The following ZFHX3 variants were observed in gnomAD, a reference collection of about 807,000 sequenced individuals.
The protein encoded by ZFHX3 is zinc finger homeobox protein 3.
In ZFHX3, 42 loss-of-function variants were observed where a neutral mutation model predicts 279.1. The ratio of observed to expected loss-of-function variants is 0.15; its 90% CI spans 0.12 to 0.19. The LOEUF is 0.19. Ranked by LOEUF, ZFHX3 falls within the 10% of genes least tolerant of loss-of-function variation. The probability of loss-of-function intolerance (pLI) is 1.00; values close to 1 mark genes in which losing one functional copy is unlikely to be tolerated. For missense variants in ZFHX3, 4,981 were observed against 4,754.0 expected (o/e 1.05, Z -1.40); for synonymous variants, 2,293 against 1,957.8 (o/e 1.17, Z -4.52).
chr16:73,405,839 C>T (rs547201104), intron 3 of ZFHX3, among the ~76,000 whole-genome samples: 4 of 152,166 alleles, frequency 2.6e-5, no homozygotes, highest in African/African-American at 7.2e-5. Context: ...CTGTCAGAGC[C>T]GGAGTAAGAT....
intron 5 of ZFHX3, among the ~76,000 whole-genome samples, chr16:73,200,892 G>A (rs1022044782): frequency 6.6e-6 from 1 of 152,126 alleles, no homozygotes; most frequent in Non-Finnish European, 1.5e-5. Flanking sequence ...TCCTTCACCT[G>A]ATGTAAACCA....
intron 2 of ZFHX3, among the ~76,000 whole-genome samples, chr16:73,576,354 G>A (rs1037451822): frequency 7.9e-5 from 12 of 152,200 alleles, no homozygotes; most frequent in Admixed American, 1.3e-4. Flanking sequence ...CTCGAGGGCT[G>A]TGCAATGGTA....
intron 4 of ZFHX3, among the ~76,000 whole-genome samples, chr16:73,316,639 A>G (rs8050929): frequency 0.8 from 121,884 of 152,090 alleles, 49,202 homozygotes; most frequent in African/African-American, 0.88. Flanking sequence ...ACTTGTTGGG[A>G]ATCCCCCACT....
chr16:73,332,523 A>T (rs1265821804), intron 3 of ZFHX3, among the ~76,000 whole-genome samples: 5 of 152,140 alleles, frequency 3.3e-5, no homozygotes, highest in Admixed American at 6.5e-5. Context: ...CCCAGAGGAA[A>T]ACTTACTTTC....
At chr16:73,267,340 G>A (rs914411915) in intron 4 of ZFHX3, among the ~76,000 whole-genome samples, 5 of 152,110 alleles carry the variant, frequency 3.3e-5, no homozygotes, top group African/African-American at 1.2e-4. Flanking sequence ...GGAAACACAA[G>A]GCTTCAAAAT....
At position 73,547,081 on chromosome 16, in the gene ZFHX3, A is replaced by G. The variant is rs1332525338; in HGVS notation, c.-1546-90823T>C. On this transcript the variant is annotated intron_variant, in intron 2 of 17. Coordinates refer to the ZFHX3 transcript ENST00000641206. ...TCTTACATTGAAATGATAGAAAAAC[A>G]AAAAGAAAAGAAAAAGAAATCTCTC... 2.0e-5 allele frequency among the ~76,000 whole-genome samples: 3 copies of G among 152,148 alleles called. No homozygotes were observed. In the East Asian group the frequency reaches 5.8e-4, roughly 29 times the overall value.
At chr16:73,654,331 A>G (rs111321057) in intron 2 of ZFHX3, among the ~76,000 whole-genome samples, 14 of 152,280 alleles carry the variant, frequency 9.2e-5, no homozygotes, top group African/African-American at 3.4e-4. Flanking sequence ...ATACTCAAAA[A>G]TTTTCCGACA....
At chr16:72,858,571 G>A (rs1216174499) in intron 4 of ZFHX3, among the ~76,000 whole-genome samples, 1 of 152,202 alleles carries the variant, frequency 6.6e-6, no homozygotes, top group Non-Finnish European at 1.5e-5. Flanking sequence ...CAGCAGGGTA[G>A]CCAAGTTATG....
At chr16:73,430,352 C>A (rs1368347258) in intron 3 of ZFHX3, among the ~76,000 whole-genome samples, 2 of 152,114 alleles carry the variant, frequency 1.3e-5, no homozygotes, top group East Asian at 3.9e-4. Context: ...AAAAATGATG[C>A]AATATCTAAA....
chr16:72,905,319 T>G (rs2039141715), intron 3 of ZFHX3, among the ~76,000 whole-genome samples: 1 of 152,164 alleles, frequency 6.6e-6, no homozygotes. Flanking sequence ...GTGACTTGAA[T>G]TTTTTTAGTA....
At chr16:72,802,347 G>A (rs1361050700) in intron 7 of ZFHX3, among the ~76,000 whole-genome samples, 2 of 151,966 alleles carry the variant, frequency 1.3e-5, no homozygotes, top group Non-Finnish European at 2.9e-5. Context: ...ATTCCTGATT[G>A]GGATTCAAGA....
At chr16:72,906,892 C>T (rs1040378302) in intron 3 of ZFHX3, among the ~76,000 whole-genome samples, 7 of 152,030 alleles carry the variant, frequency 4.6e-5, no homozygotes, top group Admixed American at 1.3e-4. Context: ...TGGGTGGAAG[C>T]GAGGACTAGA....
intron 1 of ZFHX3, among the ~76,000 whole-genome samples, chr16:73,690,291 C>T (rs1254652563): frequency 2.6e-5 from 4 of 152,192 alleles, no homozygotes; most frequent in Non-Finnish European, 5.9e-5. Context: ...CGTATCTTAG[C>T]ATCCATGTAC....
At chr16:72,938,669 C>A (rs1463998252) in intron 3 of ZFHX3, among the ~76,000 whole-genome samples, 1 of 152,122 alleles carries the variant, frequency 6.6e-6, no homozygotes, top group Non-Finnish European at 1.5e-5. Flanking sequence ...TTTGGATAAC[C>A]CCAAAGCACT....
At chr16:73,447,656 C>G (rs2143551207) in intron 3 of ZFHX3, among the ~76,000 whole-genome samples, 1 of 152,210 alleles carries the variant, frequency 6.6e-6, no homozygotes, top group Non-Finnish European at 1.5e-5. Context: ...CCACTAAAGA[C>G]CCAATACAGA....
rs530481635 is a variant in ZFHX3, at chr16:73,340,904, A to G, written c.-1290-22568T>C. Among the ~76,000 whole-genome samples the G allele has an allele frequency of 1.6e-3, 243 of 152,352 alleles. 1 individual carries two copies. The highest frequency in any genetic ancestry group is 5.6e-3 in the African/African-American group (232 of 41,580). ...AATATCCACAGTCAATAGAAGATTG[A>G]TAAATTTGATTATATAACATTTAAA... is the stretch of plus-strand genomic sequence containing the variant. On this transcript the variant is annotated intron_variant, in intron 3 of 17. Transcript: ENST00000641206.
Position 73,469,627 on chromosome 16 carries a change from A to ATATT in ZFHX3, c.-1546-13370_-1546-13369insAATA, listed in dbSNP as rs1555519000. ...GTCCCAACCTCCAATATATATATATATTTTTTTTGAGACAGAATCTCACTC... is the reference window on the plus strand; with the variant it reads ...GTCCCAACCTCCAATATATATATATATATTTTTTTTTTGAGACAGAATCTCACTC... On this transcript the variant is annotated intron_variant, in intron 2 of 17. Coordinates refer to the ZFHX3 transcript ENST00000641206. Among the ~76,000 whole-genome samples, 6 of 149,860 alleles carry ATATT rather than the reference A, an allele frequency of 4.0e-5. No individual in the cohort carries two copies. The East Asian group carries it at 1.2e-3, about 29-fold the overall frequency.
intron 3 of ZFHX3, among the ~76,000 whole-genome samples, chr16:73,331,656 G>A (rs961384977): frequency 2.6e-5 from 4 of 152,192 alleles, no homozygotes; most frequent in African/African-American, 9.7e-5. Flanking sequence ...GGTACTTTCT[G>A]TAGAAGATCA....
intron 5 of ZFHX3, among the ~76,000 whole-genome samples, chr16:73,203,425 T>C (rs2011678643): frequency 6.6e-6 from 1 of 152,254 alleles, no homozygotes; most frequent in African/African-American, 2.4e-5. Context: ...GCATTATGGA[T>C]AGGCCCTGCT....
Sources: gnomAD v4.1 joint callset for allele counts (sites outside exome capture counted in the v4.1 genomes callset) on GRCh38, gnomAD v4.1.1 for gene constraint, MANE v1.5 for transcripts, NCBI Gene and HGNC (gene_info 2026-07-23, HGNC 2026-07-21) for gene names.